Variants in MORN1 observed in about 807,000 individuals in gnomAD.
MORN1 encodes MORN repeat containing 1.
In MORN1, 67 loss-of-function variants were observed where a neutral mutation model predicts 61.9. The observed-to-expected ratio is 1.08, with a 90% CI of 0.89 to 1.33. MORN1 has a LOEUF of 1.33. MORN1 is among the 40% of genes most tolerant of loss of function. The probability of loss-of-function intolerance (pLI) is 0.00; values close to 1 mark genes in which losing one functional copy is unlikely to be tolerated. For missense variants in MORN1, 752 were observed against 691.2 expected, an observed-to-expected ratio of 1.09 and a Z score of -0.99; for synonymous variants, 301 against 292.0, an observed-to-expected ratio of 1.03 and a Z score of -0.31.
intron 10 of MORN1, among the ~76,000 whole-genome samples, chr1:2,343,844 G>A (rs1349287829): frequency 6.6e-6 from 1 of 152,214 alleles, no homozygotes; most frequent in Non-Finnish European, 1.5e-5. Context: ...TTAGCAAAAC[G>A]ATGAACAATC....
chr1:2,355,369 A>G (rs1641740640), intron 10 of MORN1: 2 of 1,538,430 alleles, frequency 1.3e-6, no homozygotes, highest in Admixed American at 2.0e-5. Flanking sequence ...GGATGCCTGC[A>G]TGCTCTTTTA....
intron 10 of MORN1, among the ~76,000 whole-genome samples, chr1:2,341,849 C>T (rs1039162492): frequency 6.6e-6 from 1 of 152,236 alleles, no homozygotes; most frequent in Non-Finnish European, 1.5e-5. Context: ...CTGAGTGGTG[C>T]CCGCCAGCCC....
intron 12 of MORN1, among the ~76,000 whole-genome samples, chr1:2,325,366 G>A (rs181175421): frequency 6.0e-5 from 9 of 149,564 alleles, no homozygotes; most frequent in South Asian, 2.1e-4. Context: ...AGAGTGCAGC[G>A]GCATAATCAC....
chr1:2,323,033 G>A (rs1305185773), intron 13 of MORN1: 2 of 985,468 alleles, frequency 2.0e-6, no homozygotes, highest in Non-Finnish European at 2.4e-6. Context: ...CCCCAGGGCT[G>A]TCTCCGCCGA....
At chr1:2,331,072 C>T (rs554202717) in intron 12 of MORN1, among the ~76,000 whole-genome samples, 6 of 152,244 alleles carry the variant, frequency 3.9e-5, no homozygotes, top group South Asian at 4.1e-4. Context: ...CGGGCACGTG[C>T]GGGGCCCTCA....
intron 1 of MORN1, chr1:2,390,368 TGTCA>T: frequency 1.0e-6 from 1 of 956,806 alleles, no homozygotes; most frequent in Non-Finnish European, 1.2e-6. Context: ...AGAGCGGCAG[TGTCA>T]GTGAGGCACA....
chr1:2,354,261 C>T (rs1641712489), intron 10 of MORN1, among the ~76,000 whole-genome samples: 1 of 152,102 alleles, frequency 6.6e-6, no homozygotes, highest in South Asian at 2.1e-4. Context: ...AGCCCCTTCT[C>T]GTGAGGGGTT....
intron 1 of MORN1, chr1:2,390,329 T>G (rs2100384796): frequency 1.2e-6 from 1 of 802,408 alleles, no homozygotes; most frequent in African/African-American, 1.9e-5. Context: ...GGAGCCTTGT[T>G]GCAGGAGATG....
intron 10 of MORN1, among the ~76,000 whole-genome samples, chr1:2,349,812 T>C (rs893073161): frequency 4.6e-5 from 7 of 152,204 alleles, no homozygotes; most frequent in African/African-American, 1.4e-4. Context: ...TGATGAATAC[T>C]CAAAACCATT....
At chr1:2,374,388 A>T (rs1199263697) in intron 7 of MORN1, 73 bp downstream of exon 7, 4 of 1,363,974 alleles carry the variant, frequency 2.9e-6, no homozygotes, top group Admixed American at 4.0e-5. Context: ...TGTTTCCCAT[A>T]TGGCTGCCCG....
chr1:2,357,513 C>T lies in MORN1; in HGVS notation c.955G>A (p.Asp319Asn), dbSNP rs766279315. 73 of 1,612,696 alleles carry T rather than the reference C, an allele frequency of 4.5e-5. No homozygotes were observed. The highest frequency in any genetic ancestry group is 3.3e-4 in the Middle Eastern group (2 of 6,074). The change falls in exon 10 of 14, where the codon GAC (aspartate) becomes AAC (asparagine). Residue 319 changes from aspartate to asparagine, a missense_variant. Coordinates refer to ENST00000378531, the MANE Select transcript of MORN1 (RefSeq NM_024848.3). This position sits in a 1 kb window ranked among gnomAD's most constrained non-coding sequence, Gnocchi z 6.3. ...AGGTCTCCCCTGGGCAGGGGCACGT[C>T]GGCTTCTGCCCCTCCCTTGGCAGCT... The part of the protein sequence containing the change: ...PRAAKGGAEA[D>N]VPLPRGDLEL...
intron 12 of MORN1, among the ~76,000 whole-genome samples, chr1:2,330,912 C>A (rs1641134283): frequency 6.6e-6 from 1 of 152,234 alleles, no homozygotes; most frequent in South Asian, 2.1e-4. Context: ...AAACCGAGTC[C>A]TTCTTCTGCA....
chr1:2,362,812 C>T (rs553916396), intron 8 of MORN1, among the ~76,000 whole-genome samples: 4 of 151,672 alleles, frequency 2.6e-5, no homozygotes, highest in African/African-American at 7.3e-5. Flanking sequence ...TGCAGTGAGC[C>T]GAGATCGCGC....
rs547948895 is a variant in MORN1 at position 2,389,990 on chromosome 1, C to A, written c.83G>T (p.Gly28Val). The A allele has an allele frequency of 4.3e-6, 7 of 1,613,602 alleles. No homozygotes were observed. The highest frequency in any genetic ancestry group is 4.0e-5 in the African/African-American group (3 of 75,032). Residue 28 changes from glycine to valine, a missense_variant, in exon 2 of 14, where the codon GGT (glycine) becomes GTT (valine). Physicochemically the swap from Gly to Val is moderately radical, Grantham distance 109. Transcript: ENST00000378531. Reference protein sequence around the residue: ...PPRRPPRNGYGVYVYPNSFFR... With the variant: ...PPRRPPRNGYVVYVYPNSFFR... ...GAAGGAATTTGGGTATACGTAGACA[C>A]CATAACCTGAGTATTGAGAAGACAC...
At chr1:2,375,326 G>C (rs1642209565) in intron 6 of MORN1, 1 of 152,218 alleles carries the variant, frequency 6.6e-6, no homozygotes, top group Non-Finnish European at 1.5e-5. Flanking sequence ...GGGGAACCCC[G>C]AGGCAGCGGT....
At chr1:2,385,660 C>T in intron 5 of MORN1, 147 bp downstream of exon 5, 2 of 664,440 alleles carry the variant, frequency 3.0e-6, no homozygotes, top group Non-Finnish European at 5.3e-6. Flanking sequence ...CAACTTGGCA[C>T]TGGGGGGGTG....
chr1:2,390,797 G>A lies in MORN1; in HGVS notation c.76+661C>T, dbSNP rs924155797. On this transcript the variant is annotated intron_variant, in intron 1 of 13. Coordinates refer to ENST00000378531, the MANE Select transcript of MORN1 (RefSeq NM_024848.3). Reference sequence around the variant, plus strand: ...TGAGTCTTGCTCTGTCGCCCAGGCTGGGGTGCAGCGGCGCGATCTCGGCTC... The same window carrying A: ...TGAGTCTTGCTCTGTCGCCCAGGCTAGGGTGCAGCGGCGCGATCTCGGCTC... The A allele has an allele frequency of 3.1e-6, 3 of 965,450 alleles. No homozygotes were observed. In the African/African-American group the frequency reaches 5.3e-5, roughly 17 times the overall value. The allele number at this position is 965,450 out of a possible 1,614,324, so 59.8% of individuals were successfully genotyped here.
intron 12 of MORN1, among the ~76,000 whole-genome samples, chr1:2,325,140 C>CTTCCTTCCTTCCCTTCCT (rs371807562): frequency 7.5e-4 from 5 of 6,696 alleles, no homozygotes; most frequent in East Asian, 0.014. Context: ...CCTTCCCTCC[C>CTTCCTTCCTTCCCTTCCT]TCCCTCCCTT....
intron 3 of MORN1, 23 bp from the exon 4 acceptor site, chr1:2,387,552 G>T: frequency 6.4e-7 from 1 of 1,554,600 alleles, no homozygotes. Context: ...AAGGAGGAGG[G>T]GAGACAGGAG....
Sources: gnomAD v4.1 joint callset for allele counts (sites outside exome capture counted in the v4.1 genomes callset) on GRCh38, gnomAD v4.1.1 for gene constraint, Gnocchi (gnomAD v3.1) non-coding constraint, MANE v1.5 for transcripts, NCBI Gene and HGNC (gene_info 2026-07-23, HGNC 2026-07-21) for gene names.